ZNF740: variants seen among roughly 807,000 people sequenced by gnomAD.
ZNF740 encodes the protein zinc finger protein 740, also known as oriLyt TD-element-binding protein 7.
In ZNF740, 14 loss-of-function variants were observed where a neutral mutation model predicts 24.8. The ratio of observed to expected loss-of-function variants is 0.56; its 90% CI spans 0.37 to 0.88. The LOEUF (loss-of-function observed/expected upper bound fraction) is 0.88. Ranked by LOEUF, ZNF740 falls within the 40% of genes least tolerant of loss-of-function variation. The probability of loss-of-function intolerance (pLI) is 0.00; values close to 1 mark genes in which losing one functional copy is unlikely to be tolerated. For synonymous variants in ZNF740, 69 were observed against 84.0 expected (o/e 0.82, Z 0.98); for missense variants, 201 against 247.9 (o/e 0.81, Z 1.27).
chr12:53,180,948 C>T, intron 1 of ZNF740, 111 bp downstream of exon 1: 1 of 413,570 alleles, frequency 2.4e-6, no homozygotes, highest in Non-Finnish European at 3.0e-6. Context: ...GGAGGAGGGG[C>T]GCGTGGCGAA....
In ZNF740 at chr12:53,195,026, A is replaced by C; in HGVS notation, c.*7436A>C. 1 of 250,988 alleles carries C rather than the reference A, an allele frequency of 4.0e-6. No homozygotes were observed. The highest frequency in any genetic ancestry group is 6.8e-5 in the South Asian group (1 of 14,674). The allele number at this position is 250,988 out of a possible 1,614,324, so 15.5% of individuals were successfully genotyped here. A position where few individuals can be genotyped will look rare whatever the true frequency, so the allele number is the denominator to read the frequency against. ...TTGTGTGGGTTTCCTCATCTGTAAA[A>C]TAGGGATGGTAACAGTTATGAAGCA... On this transcript the variant is annotated 3_prime_UTR_variant, in exon 7 of 7. Coordinates refer to ENST00000416904, the MANE Select transcript of ZNF740 (RefSeq NM_001004304.4).
At position 53,193,014 on chromosome 12, in the gene ZNF740, A is replaced by T; in HGVS notation, c.*5424A>T. ...CATCCAATCTTTTTGAAGTATGCCAACCACACCCTCTAACCCATACACCGG... is the reference window on the plus strand; with the variant it reads ...CATCCAATCTTTTTGAAGTATGCCATCCACACCCTCTAACCCATACACCGG... On this transcript the variant is annotated 3_prime_UTR_variant, in exon 7 of 7. Coordinates refer to ENST00000416904, the MANE Select transcript of ZNF740 (RefSeq NM_001004304.4). The T allele has an allele frequency of 7.3e-7, 1 of 1,370,028 alleles. No individual in the cohort carries two copies. Among genetic ancestry groups the T allele is most frequent in the Non-Finnish European group, 1.0e-6 (1 of 980,874 alleles). 84.9% of individuals were successfully genotyped at this position (1,370,028 alleles called of 1,614,324 possible). A position where few individuals can be genotyped will look rare whatever the true frequency, so the allele number is the denominator to read the frequency against.
rs1358884334 is a variant in ZNF740, at chr12:53,180,818, C to T, written c.-327C>T. 3 of 1,270,154 alleles carry T rather than the reference C, an allele frequency of 2.4e-6. No homozygotes were observed. Among genetic ancestry groups the T allele is most frequent in the East Asian group, 6.5e-5 (1 of 15,292 alleles). 78.7% of individuals were successfully genotyped at this position (1,270,154 alleles called of 1,614,324 possible). On this transcript the variant is annotated 5_prime_UTR_variant, in exon 1 of 7. Transcript: ENST00000416904. ...AGGCGCCGCGCGGCCAGGGAGCCAG[C>T]GGGAGGCCGCGCCTGGCAGGTAGGA...
chr12:53,180,949 G>T, intron 1 of ZNF740, 112 bp downstream of exon 1: 1 of 884,260 alleles, frequency 1.1e-6, no homozygotes, highest in Non-Finnish European at 1.4e-6. Flanking sequence ...GAGGAGGGGC[G>T]CGTGGCGAAG....
chr12:53,189,286 C>A lies in ZNF740; in HGVS notation c.*1696C>A, dbSNP rs1006222535. Reference sequence around the variant, plus strand: ...GACCCCCACTGTAACCTGACCTGACCTGTGGCGGGTACGGGAACTGTCTTA... The same window carrying A: ...GACCCCCACTGTAACCTGACCTGACATGTGGCGGGTACGGGAACTGTCTTA... On this transcript the variant is annotated 3_prime_UTR_variant, in exon 7 of 7. Transcript: ENST00000416904. The A allele has an allele frequency of 2.4e-4, 37 of 152,060 alleles. No homozygotes were observed. The highest frequency in any genetic ancestry group is 8.7e-4 in the African/African-American group (36 of 41,388). 9.4% of individuals were successfully genotyped at this position (152,060 alleles called of 1,614,324 possible).
intron 2 of ZNF740, among the ~76,000 whole-genome samples, chr12:53,184,130 T>G (rs1350789586): frequency 7.8e-6 from 1 of 127,862 alleles, no homozygotes. Flanking sequence ...TGTGTGTGTG[T>G]GTGTGTGTGT....
intron 2 of ZNF740, among the ~76,000 whole-genome samples, chr12:53,183,490 A>T (rs529205566): frequency 2.0e-4 from 30 of 151,228 alleles, no homozygotes; most frequent in African/African-American, 6.5e-4. Context: ...ATTTCTTAAA[A>T]TTTTTTTTTT....
At position 53,184,015 on chromosome 12, in the gene ZNF740, C is replaced by T. The variant is rs572650592; in HGVS notation, c.10-876C>T. Among the ~76,000 whole-genome samples the T allele has an allele frequency of 7.9e-5, 12 of 151,550 alleles. 1 individual carries two copies. Among genetic ancestry groups the T allele is most frequent in the Middle Eastern group, 6.8e-3 (2 of 294 alleles). On this transcript the variant is annotated intron_variant, in intron 2 of 6. Coordinates refer to ENST00000416904, the MANE Select transcript of ZNF740 (RefSeq NM_001004304.4). ...CTCCAGCCTGGGCGACAGAGTGACA[C>T]CCTGTCTCAACCAACAAGCAAAAAA...
Position 53,193,940 on chromosome 12 carries a change from G to T in ZNF740, c.*6350G>T. ...GGAATCAGGCCATGGTTATACACAT[G>T]CACACACACATACCCCAAACTCACC... On this transcript the variant is annotated 3_prime_UTR_variant, in exon 7 of 7. Transcript: ENST00000416904. 6.4e-7 allele frequency: 1 copy of T among 1,555,652 alleles called. No individual in the cohort carries two copies. Among genetic ancestry groups the T allele is most frequent in the Non-Finnish European group, 8.8e-7 (1 of 1,138,800 alleles).
intron 1 of ZNF740, chr12:53,181,250 C>A: frequency 1.0e-6 from 1 of 985,450 alleles, no homozygotes; most frequent in Non-Finnish European, 1.2e-6. Flanking sequence ...GGAGAACGCA[C>A]ACGTGTGGGC....
At position 53,191,658 on chromosome 12, in the gene ZNF740, T is replaced by G. The variant is rs748971455; in HGVS notation, c.*4068T>G. 15 of 1,604,946 alleles carry G rather than the reference T, an allele frequency of 9.3e-6. No individual in the cohort carries two copies. The East Asian group carries it at 3.1e-4, about 33-fold the overall frequency. On this transcript the variant is annotated 3_prime_UTR_variant, in exon 7 of 7. Transcript: ENST00000416904. Reference sequence around the variant, plus strand: ...TGTCCTGGAGAAAGATGTTGCAGATTATAAGCAAAAATCCCAGGATTCCTC... The same window carrying G: ...TGTCCTGGAGAAAGATGTTGCAGATGATAAGCAAAAATCCCAGGATTCCTC...
At position 53,193,152 on chromosome 12, in the gene ZNF740, T is replaced by C; in HGVS notation, c.*5562T>C. ...AGGCTCCAGGTACCTCCGCAGAGGA[T>C]GCCCTCATGTCGCTCACAGCTGGCA... On this transcript the variant is annotated 3_prime_UTR_variant, in exon 7 of 7. Coordinates refer to ENST00000416904, the MANE Select transcript of ZNF740 (RefSeq NM_001004304.4). 1 of 1,610,220 alleles carries C rather than the reference T, an allele frequency of 6.2e-7. No homozygotes were observed. Among genetic ancestry groups the C allele is most frequent in the East Asian group, 2.2e-5 (1 of 44,750 alleles).
At chr12:53,184,225 G>A (rs148171741) in intron 2 of ZNF740, among the ~76,000 whole-genome samples, 1,480 of 146,036 alleles carry the variant, frequency 0.01, 23 homozygotes, top group African/African-American at 0.035. Flanking sequence ...TTCTCGCTCT[G>A]TTGCCCAGGC....
Position 53,190,423 on chromosome 12 carries a change from TC to T in ZNF740, c.*2835del, listed in dbSNP as rs1410832908. Reference sequence around the variant, plus strand: ...GAACCTGGGAAAGAGTAGTGCCAGTTCCGGGTAGGCTGCTGCACCAGGCCCT... The same window carrying T: ...GAACCTGGGAAAGAGTAGTGCCAGTTCGGGTAGGCTGCTGCACCAGGCCCT... On this transcript the variant is annotated 3_prime_UTR_variant, in exon 7 of 7. Coordinates refer to ENST00000416904, the MANE Select transcript of ZNF740 (RefSeq NM_001004304.4). 1 of 152,642 alleles carries T rather than the reference TC, an allele frequency of 6.6e-6. No homozygotes were observed. The highest frequency in any genetic ancestry group is 2.4e-5 in the African/African-American group (1 of 41,426). 9.5% of individuals were successfully genotyped at this position (152,642 alleles called of 1,614,324 possible).
At chr12:53,181,376 G>A (rs1468020463) in intron 1 of ZNF740, 1 of 985,440 alleles carries the variant, frequency 1.0e-6, no homozygotes, top group Non-Finnish European at 1.2e-6. Flanking sequence ...GGCCCACTGG[G>A]CACAAAAGCC....
chr12:53,182,829 A>G (rs1414155811), intron 2 of ZNF740, among the ~76,000 whole-genome samples: 1 of 152,202 alleles, frequency 6.6e-6, no homozygotes, highest in Non-Finnish European at 1.5e-5. Context: ...AAGGCCTTTT[A>G]TGCCTCGCTA....
chr12:53,193,383 G>T lies in ZNF740; in HGVS notation c.*5793G>T. On this transcript the variant is annotated 3_prime_UTR_variant, in exon 7 of 7. Coordinates refer to ENST00000416904, the MANE Select transcript of ZNF740 (RefSeq NM_001004304.4). ...GCACAGCTGGAAGGGGAAGGCAAAG[G>T]AGAGAAGTAGGTCAGAGGGTTTGAT... The T allele has an allele frequency of 6.5e-7, 1 of 1,528,826 alleles. No individual in the cohort carries two copies. The highest frequency in any genetic ancestry group is 1.2e-5 in the South Asian group (1 of 80,572). 94.7% of individuals were successfully genotyped at this position (1,528,826 alleles called of 1,614,324 possible).
intron 2 of ZNF740, among the ~76,000 whole-genome samples, chr12:53,182,743 T>TG (rs997551490): frequency 2.6e-5 from 4 of 152,058 alleles, no homozygotes; most frequent in African/African-American, 9.7e-5. Context: ...GGGATTTAAA[T>TG]GGGGATAGTT....
Position 53,193,375 on chromosome 12 carries a change from AG to A in ZNF740, c.*5787del. The A allele has an allele frequency of 1.3e-6, 2 of 1,550,982 alleles. No homozygotes were observed. Among genetic ancestry groups the A allele is most frequent in the Non-Finnish European group, 1.7e-6 (2 of 1,144,442 alleles). ...GGCCAGGGGCACAGCTGGAAGGGGAAGGCAAAGGAGAGAAGTAGGTCAGAGG... is the reference window on the plus strand; with the variant it reads ...GGCCAGGGGCACAGCTGGAAGGGGAAGCAAAGGAGAGAAGTAGGTCAGAGG... On this transcript the variant is annotated 3_prime_UTR_variant, in exon 7 of 7. Coordinates refer to ENST00000416904, the MANE Select transcript of ZNF740 (RefSeq NM_001004304.4).
Sources: allele counts gnomAD v4.1 joint callset (sites outside exome capture counted in the v4.1 genomes callset), GRCh38; gene constraint gnomAD v4.1.1; transcripts MANE v1.5; gene names NCBI Gene and HGNC (gene_info 2026-07-23, HGNC 2026-07-21).